Variants in ARHGEF10L observed in about 807,000 individuals in gnomAD.
ARHGEF10L encodes rho guanine nucleotide exchange factor 10-like protein.
In ARHGEF10L, 69 loss-of-function variants were observed where a neutral mutation model predicts 141.2. The ratio of observed to expected loss-of-function variants is 0.49; its 90% CI spans 0.40 to 0.60. The LOEUF is 0.60. Among genes scored for constraint, ARHGEF10L ranks in the 20% least tolerant of loss-of-function variants. The pLI is 0.00. For synonymous variants in ARHGEF10L, 711 were observed against 718.5 expected, an observed-to-expected ratio of 0.99 and a Z score of 0.17; for missense variants, 1,482 against 1,734.3, an observed-to-expected ratio of 0.85 and a Z score of 2.58.
At chr1:17,520,320 G>A in the ARHGEF10L span, among the ~76,000 whole-genome samples, 1 of 152,246 alleles carries the variant, frequency 6.6e-6, no homozygotes, top group East Asian at 1.9e-4. Flanking sequence ...GGCCCAGCCC[G>A]GGGAGCCAGC....
rs193129454 is a variant in ARHGEF10L, at chr1:17,620,752, C to T, written c.943-1112C>T. Among the ~76,000 whole-genome samples, 3 of 152,244 alleles carry T rather than the reference C, an allele frequency of 2.0e-5. No individual in the cohort carries two copies. The East Asian group carries it at 5.8e-4, about 29-fold the overall frequency. ...GTAGAGTAGGGGGTCAGTCACCTCC[C>T]AACCCGAGATCGAGAGGGATGGGCT... On this transcript the variant is annotated intron_variant, in intron 10 of 28. Coordinates refer to ENST00000361221, the MANE Select transcript of ARHGEF10L (RefSeq NM_018125.4).
intron 1 of ARHGEF10L, among the ~76,000 whole-genome samples, chr1:17,569,249 G>A (rs2257142): frequency 5.3e-5 from 8 of 151,986 alleles, no homozygotes; most frequent in African/African-American, 9.7e-5. Context: ...GCCAACTCCC[G>A]CCAGAGGTGC....
At chr1:17,661,172 G>T (rs2062601398) in intron 25 of ARHGEF10L, among the ~76,000 whole-genome samples, 2 of 152,088 alleles carry the variant, frequency 1.3e-5, no homozygotes, top group Non-Finnish European at 2.9e-5. Context: ...TGGCCTCCCG[G>T]GTTCAAGTGA....
intron 1 of ARHGEF10L, among the ~76,000 whole-genome samples, chr1:17,547,895 G>A (rs956804875): frequency 1.3e-5 from 2 of 152,168 alleles, no homozygotes; most frequent in African/African-American, 4.8e-5. Context: ...GGCCCACAAA[G>A]GGAGAGGCTG....
the ARHGEF10L span, among the ~76,000 whole-genome samples, chr1:17,515,463 T>C: frequency 6.6e-6 from 1 of 151,576 alleles, no homozygotes; most frequent in Non-Finnish European, 1.5e-5. Context: ...CTGGCTAATT[T>C]TTGTATTTTT....
chr1:17,562,416 C>T (rs1160946716), intron 1 of ARHGEF10L, among the ~76,000 whole-genome samples: 7 of 149,566 alleles, frequency 4.7e-5, no homozygotes, highest in Non-Finnish European at 8.8e-5. Context: ...GACCTTGTCT[C>T]AAACAAACAA....
chr1:17,527,664 C>G, the ARHGEF10L span, among the ~76,000 whole-genome samples: 2 of 151,938 alleles, frequency 1.3e-5, no homozygotes, highest in African/African-American at 2.4e-5. Flanking sequence ...TTCATCACCC[C>G]CAAGACACTC....
In ARHGEF10L at chr1:17,654,896, G is replaced by T. The variant is rs1397344740; in HGVS notation, c.2481+174G>T. ...CAGGCACTGCATTTGGAGTTGGGAG[G>T]TGCAACCTCATCTGGGGCAACAGAA... On this transcript the variant is annotated intron_variant, in intron 23 of 28. Coordinates refer to ENST00000361221, the MANE Select transcript of ARHGEF10L (RefSeq NM_018125.4). The surrounding 1 kb of genome is among the most constrained non-coding windows in gnomAD (Gnocchi z 4.3). Among the ~76,000 whole-genome samples the T allele has an allele frequency of 6.6e-6, 1 of 152,220 alleles. No homozygotes were observed. The highest frequency in any genetic ancestry group is 2.4e-5 in the African/African-American group (1 of 41,460).
rs1002332007 is a variant in ARHGEF10L at position 17,656,781 on chromosome 1, G to C, written c.2860+73G>C. The C allele has an allele frequency of 1.8e-4, 264 of 1,507,274 alleles. No homozygotes were observed. Among genetic ancestry groups the C allele is most frequent in the Middle Eastern group, 2.4e-4 (1 of 4,110 alleles). 93.4% of individuals were successfully genotyped at this position (1,507,274 alleles called of 1,614,324 possible). A position where few individuals can be genotyped will look rare whatever the true frequency, so the allele number is the denominator to read the frequency against. On this transcript the variant is annotated intron_variant, in intron 25 of 28. Transcript: ENST00000361221. The surrounding 1 kb of genome is among the most constrained non-coding windows in gnomAD (Gnocchi z 4.9). Reference sequence around the variant, plus strand: ...CTGGGTGCCAGATTCTCTACCAAGAGAGGATACAGGAGGCTGGGCAGGAAT... The same window carrying C: ...CTGGGTGCCAGATTCTCTACCAAGACAGGATACAGGAGGCTGGGCAGGAAT...
Position 17,587,448 on chromosome 1 carries a change from T to A in ARHGEF10L, c.38-12T>A. ...AGATCCTGCAGCCTGGCCAACTCCT[T>A]CTCTCTTCCAGGAGATCAGCTGGTT... On this transcript the variant is annotated splice_polypyrimidine_tract_variant and intron_variant, in intron 2 of 28. Transcript: ENST00000361221. 6.2e-7 allele frequency: 1 copy of A among 1,608,948 alleles called. No homozygotes were observed. Among genetic ancestry groups the A allele is most frequent in the Non-Finnish European group, 8.5e-7 (1 of 1,177,714 alleles).
chr1:17,643,050 G>T (rs932971173), intron 21 of ARHGEF10L, among the ~76,000 whole-genome samples: 3 of 152,224 alleles, frequency 2.0e-5, no homozygotes, highest in African/African-American at 7.2e-5. Context: ...TTTAATGGAA[G>T]AAGAGTCATT....
chr1:17,632,989 C>T (rs976365593), intron 16 of ARHGEF10L, among the ~76,000 whole-genome samples: 1 of 152,198 alleles, frequency 6.6e-6, no homozygotes, highest in Non-Finnish European at 1.5e-5. Flanking sequence ...GAGCCGGAGC[C>T]CTGGTGTGGG....
At chr1:17,557,759 C>T (rs889001811) in intron 1 of ARHGEF10L, among the ~76,000 whole-genome samples, 1 of 152,228 alleles carries the variant, frequency 6.6e-6, no homozygotes, top group Non-Finnish European at 1.5e-5. Context: ...AGGCCAGACA[C>T]AGTCTCGGAC....
At chr1:17,530,306 T>G in the ARHGEF10L span, among the ~76,000 whole-genome samples, 30 of 152,124 alleles carry the variant, frequency 2.0e-4, no homozygotes, top group African/African-American at 5.8e-4. Context: ...AGAAGAGGGT[T>G]CAAACCCTGG....
At chr1:17,587,967 A>G (rs948479857) in intron 3 of ARHGEF10L, among the ~76,000 whole-genome samples, 3 of 152,244 alleles carry the variant, frequency 2.0e-5, no homozygotes. Context: ...CACACCAGCC[A>G]GAAGAGCAGC....
Position 17,687,746 on chromosome 1 carries a change from A to G in ARHGEF10L, c.3183A>G (p.Pro1061=). 1 of 1,574,528 alleles carries G rather than the reference A, an allele frequency of 6.4e-7. No individual in the cohort carries two copies. Among genetic ancestry groups the G allele is most frequent in the Non-Finnish European group, 8.6e-7 (1 of 1,158,724 alleles). The part of the protein sequence containing the change: ...NIATRTTFLL[P]GQKHLCVTSL... ...CCACCAGGACCACCTTCCTCCTGCC[A>G]GGTGAGGCTGCCTCGGGCACGGGGG... Residue 1061 remains proline (P), a splice_region_variant and synonymous_variant, in exon 27 of 29, where the codon CCA becomes CCG. Transcript: ENST00000361221.
chr1:17,630,118 C>A (rs184845257), intron 15 of ARHGEF10L, among the ~76,000 whole-genome samples: 2 of 152,182 alleles, frequency 1.3e-5, no homozygotes, highest in African/African-American at 2.4e-5. Context: ...GGGCTTCCCC[C>A]TCCAGGGCCC....
intron 1 of ARHGEF10L, among the ~76,000 whole-genome samples, chr1:17,567,470 G>A (rs1230206320): frequency 1.3e-5 from 2 of 152,170 alleles, no homozygotes; most frequent in East Asian, 1.9e-4. Context: ...AGGTTCAAGC[G>A]ATGCTCCTGC....
chr1:17,691,057 A>G (rs976986368), intron 27 of ARHGEF10L: 3 of 436,982 alleles, frequency 6.9e-6, no homozygotes, highest in East Asian at 7.4e-5. Context: ...CCTTTCTTCC[A>G]CTCGCATACT....
Sources: gnomAD v4.1 joint callset for allele counts (sites outside exome capture counted in the v4.1 genomes callset) on GRCh38, gnomAD v4.1.1 for gene constraint, Gnocchi (gnomAD v3.1) non-coding constraint, MANE v1.5 for transcripts, NCBI Gene and HGNC (gene_info 2026-07-23, HGNC 2026-07-21) for gene names.